The following MCC variants were observed in gnomAD, a reference collection of about 807,000 sequenced individuals.
MCC encodes MCC regulator of Wnt signaling pathway, also known as colorectal mutant cancer protein.
A neutral mutation model predicts 116.2 loss-of-function variants in MCC; 90 were observed. The observed-to-expected ratio is 0.77, with a 90% CI of 0.65 to 0.92. The LOEUF (loss-of-function observed/expected upper bound fraction) is 0.92. Among genes scored for constraint, MCC ranks in the 40% least tolerant of loss-of-function variants. MCC has a pLI of 0.00. For synonymous variants in MCC, 578 were observed against 510.5 expected (o/e 1.13, Z -1.78); for missense variants, 1,516 against 1,312.2 (o/e 1.16, Z -2.40).
At position 113,220,339 on chromosome 5, in the gene MCC, G is replaced by A. The variant is rs550944398; in HGVS notation, c.628-68917C>T. Among the ~76,000 whole-genome samples, 10 of 151,936 alleles carry A rather than the reference G, an allele frequency of 6.6e-5. No homozygotes were observed. In the South Asian group the frequency reaches 1.3e-3, roughly 19 times the overall value. On this transcript the variant is annotated intron_variant, in intron 3 of 18. Transcript: ENST00000408903. ...CTCCTAAAGTGCTGGGATTTCAGGC[G>A]TGAGCCACTGCGCCCGGCCAGCATG...
chr5:113,340,827 T>G, intron 2 of MCC, 97 bp from the exon 3 acceptor site: 1 of 917,712 alleles, frequency 1.1e-6, no homozygotes, highest in Middle Eastern at 3.4e-4. Context: ...AAGCCTTCCA[T>G]GTGCCAGCAT....
intron 16 of MCC, 110 bp downstream of exon 16, chr5:113,048,983 G>T: frequency 9.9e-7 from 1 of 1,006,064 alleles, no homozygotes; most frequent in Non-Finnish European, 1.5e-6. Flanking sequence ...CATTTCCTAT[G>T]CAAATACAAG....
chr5:113,095,202 G>C (rs2150250515), intron 8 of MCC, among the ~76,000 whole-genome samples: 1 of 152,294 alleles, frequency 6.6e-6, no homozygotes, highest in Admixed American at 6.5e-5. Context: ...GTCTGCATGG[G>C]AGTGGGGCTA....
At chr5:113,338,900 T>G (rs1473642511) in intron 3 of MCC, among the ~76,000 whole-genome samples, 60 of 152,212 alleles carry the variant, frequency 3.9e-4, no homozygotes, top group Non-Finnish European at 1.5e-5. Context: ...TTTTTACAGA[T>G]TTTATGAGAC....
intron 17 of MCC, among the ~76,000 whole-genome samples, chr5:113,031,479 G>C (rs1263044516): frequency 6.7e-6 from 1 of 148,796 alleles, no homozygotes; most frequent in Non-Finnish European, 1.5e-5. Flanking sequence ...AGGGACTCCT[G>C]CTTCCCTCCA....
intron 1 of MCC, among the ~76,000 whole-genome samples, chr5:113,417,221 G>A (rs1220955243): frequency 6.6e-6 from 1 of 152,124 alleles, no homozygotes; most frequent in Non-Finnish European, 1.5e-5. Flanking sequence ...GCCCACCTAG[G>A]CCTCCCAAAG....
At chr5:113,373,939 T>C (rs1218602090) in intron 2 of MCC, among the ~76,000 whole-genome samples, 1 of 151,888 alleles carries the variant, frequency 6.6e-6, no homozygotes, top group East Asian at 1.9e-4. Flanking sequence ...TCTCACTCTG[T>C]CACCCAAGCT....
intron 3 of MCC, among the ~76,000 whole-genome samples, chr5:113,205,895 A>T (rs1354342630): frequency 6.6e-6 from 1 of 152,196 alleles, no homozygotes; most frequent in Non-Finnish European, 1.5e-5. Flanking sequence ...TTTGGAGGCC[A>T]GGGCATTTCT....
chr5:113,048,250 G>C lies in MCC; in HGVS notation c.2655+843C>G, dbSNP rs188928138. On this transcript the variant is annotated intron_variant, in intron 16 of 18. Coordinates refer to ENST00000408903, the MANE Select transcript of MCC (RefSeq NM_001085377.2). The stretch of plus-strand genomic sequence containing the variant: ...CTGCAGTTTTGCTTTCTGTGGTTTC[G>C]GTTCCTCAAGGTCAACCATGGTCTG... Among the ~76,000 whole-genome samples the C allele has an allele frequency of 3.9e-5, 6 of 152,242 alleles. No individual in the cohort carries two copies. In the East Asian group the frequency reaches 1.2e-3, roughly 29 times the overall value.
intron 5 of MCC, among the ~76,000 whole-genome samples, chr5:113,141,529 G>A (rs1201040165): frequency 6.6e-6 from 1 of 152,302 alleles, no homozygotes; most frequent in East Asian, 1.9e-4. Flanking sequence ...GGAGTGCTGA[G>A]GGCTGGGGAG....
intron 5 of MCC, among the ~76,000 whole-genome samples, chr5:113,124,809 A>G (rs1472014573): frequency 1.3e-5 from 2 of 152,246 alleles, no homozygotes; most frequent in Non-Finnish European, 2.9e-5. Context: ...CAAAACAAAG[A>G]TAGGAACACA....
chr5:113,261,245 C>T (rs1417974243), intron 3 of MCC, among the ~76,000 whole-genome samples: 2 of 152,086 alleles, frequency 1.3e-5, no homozygotes, highest in Non-Finnish European at 2.9e-5. Flanking sequence ...TTATTTTATG[C>T]TTAAGTATTG....
intron 3 of MCC, among the ~76,000 whole-genome samples, chr5:113,292,984 G>C (rs1218296985): frequency 1.3e-5 from 2 of 152,116 alleles, no homozygotes; most frequent in African/African-American, 2.4e-5. Flanking sequence ...CCATTTTTAA[G>C]TTCTCACTCT....
Position 113,023,570 on chromosome 5 carries a change from T to A in MCC, c.*3732A>T, listed in dbSNP as rs1400621704. 2.0e-5 allele frequency: 3 copies of A among 152,310 alleles called. No individual in the cohort carries two copies. The highest frequency in any genetic ancestry group is 2.9e-5 in the Non-Finnish European group (2 of 68,022). The allele number at this position is 152,310 out of a possible 1,614,324, so 9.4% of individuals were successfully genotyped here. On this transcript the variant is annotated 3_prime_UTR_variant, in exon 19 of 19. Coordinates refer to ENST00000408903, the MANE Select transcript of MCC (RefSeq NM_001085377.2). ...AGAAATCTCAACCATTACAGAAGTC[T>A]CTTACTATTTTGGCTCTCAAAATAC...
chr5:113,274,504 C>T (rs1011991713), intron 3 of MCC, among the ~76,000 whole-genome samples: 12 of 152,124 alleles, frequency 7.9e-5, no homozygotes, highest in Admixed American at 1.3e-4. Context: ...GGATTACAGG[C>T]GCATGCCACC....
At chr5:113,065,921 G>A (rs1181436962) in intron 13 of MCC, among the ~76,000 whole-genome samples, 2 of 152,124 alleles carry the variant, frequency 1.3e-5, no homozygotes, top group Non-Finnish European at 2.9e-5. Flanking sequence ...CAGGAAATGG[G>A]GTGGACCCAT....
At chr5:113,445,657 C>T (rs1330600820) in intron 1 of MCC, among the ~76,000 whole-genome samples, 1 of 152,042 alleles carries the variant, frequency 6.6e-6, no homozygotes, top group African/African-American at 2.4e-5. Context: ...GTTAAAATGG[C>T]CATAAAGCCC....
intron 3 of MCC, among the ~76,000 whole-genome samples, chr5:113,241,800 A>G (rs1190934784): frequency 6.6e-6 from 1 of 152,236 alleles, no homozygotes; most frequent in Non-Finnish European, 1.5e-5. Flanking sequence ...AAGCCAGGCC[A>G]ACATCTCCAA....
At chr5:113,460,606 G>A (rs1771717484) in intron 1 of MCC, among the ~76,000 whole-genome samples, 1 of 152,176 alleles carries the variant, frequency 6.6e-6, no homozygotes. Flanking sequence ...ACAGCCCCAC[G>A]CTGTACGCTG....
Sources: gnomAD v4.1 joint callset for allele counts (sites outside exome capture counted in the v4.1 genomes callset) on GRCh38, gnomAD v4.1.1 for gene constraint, MANE v1.5 for transcripts, NCBI Gene and HGNC (gene_info 2026-07-23, HGNC 2026-07-21) for gene names.